Variants in FEZ1 observed in about 807,000 individuals in gnomAD.
FEZ1 encodes the protein fasciculation and elongation protein zeta-1.
Under a neutral mutation model 49.3 loss-of-function variants are expected in FEZ1, and 20 were observed. The observed-to-expected ratio is 0.41, with a 90% CI of 0.29 to 0.59. FEZ1 has a LOEUF of 0.59. FEZ1 is among the 20% of genes least tolerant of loss of function. FEZ1 has a pLI of 0.36. For synonymous variants in FEZ1, 170 were observed against 180.9 expected (o/e 0.94, Z 0.48); for missense variants, 413 against 476.0 (o/e 0.87, Z 1.23).
intron 8 of FEZ1, among the ~76,000 whole-genome samples, chr11:125,450,265 G>A (rs1466408426): frequency 1.3e-5 from 2 of 151,922 alleles, no homozygotes; most frequent in East Asian, 3.9e-4. Context: ...CCTGACCTCA[G>A]GTGATCCACC....
In FEZ1 at chr11:125,493,508, G is replaced by GAGAAAGAAAGAAAGAA. The variant is rs1309003744; in HGVS notation, c.-46+2597_-46+2612dup. 2.1e-4 allele frequency among the ~76,000 whole-genome samples: 14 copies of GAGAAAGAAAGAAAGAA among 66,058 alleles called. 2 individuals carry two copies. The highest frequency in any genetic ancestry group is 3.6e-4 in the Admixed American group (2 of 5,536). 43.3% of individuals were successfully genotyped at this position (66,058 alleles called of 152,430 possible). On this transcript the variant is annotated intron_variant, in intron 1 of 9. Transcript: ENST00000278919. ...AAAGAAGGAAAGAAAGAAAGAAAGAGAGAAAGAAAGAAAGAAAGAAAGAAA... is the reference window on the plus strand; with the variant it reads ...AAAGAAGGAAAGAAAGAAAGAAAGAGAGAAAGAAAGAAAGAAAGAAAGAAAGAAAGAAAGAAAGAAA...
chr11:125,495,477 G>T lies in FEZ1; in HGVS notation c.-46+644C>A, dbSNP rs1307856569. 3 of 467,400 alleles carry T rather than the reference G, an allele frequency of 6.4e-6. No individual in the cohort carries two copies. The East Asian group carries it at 2.1e-4, about 33-fold the overall frequency. The allele number at this position is 467,400 out of a possible 1,614,324, so 29.0% of individuals were successfully genotyped here. A position where few individuals can be genotyped will look rare whatever the true frequency, so the allele number is the denominator to read the frequency against. ...CGCCCCGCCACCGCGCAGCCGCCCC[G>T]GTCCCTTCTCCCGCCCGTCTGTAGT... On this transcript the variant is annotated intron_variant, in intron 1 of 9. Transcript: ENST00000278919. This position sits in a 1 kb window ranked among gnomAD's most constrained non-coding sequence, Gnocchi z 4.2.
Position 125,445,844 on chromosome 11 carries a change from C to A in FEZ1, c.*251G>T, listed in dbSNP as rs575176579. The A allele has an allele frequency of 8.5e-5, 46 of 538,176 alleles. No individual in the cohort carries two copies. Among genetic ancestry groups the A allele is most frequent in the South Asian group, 8.4e-4 (45 of 53,612 alleles). The allele number at this position is 538,176 out of a possible 1,614,324, so 33.3% of individuals were successfully genotyped here. Reference sequence around the variant, plus strand: ...CAGACTACATAATGAGCGGTGAAAGCGGCTGCCTTCCCCTCTCCTGACACC... The same window carrying A: ...CAGACTACATAATGAGCGGTGAAAGAGGCTGCCTTCCCCTCTCCTGACACC... On this transcript the variant is annotated 3_prime_UTR_variant, in exon 10 of 10. Transcript: ENST00000278919. This position sits in a 1 kb window ranked among gnomAD's most constrained non-coding sequence, Gnocchi z 4.4.
intron 3 of FEZ1, among the ~76,000 whole-genome samples, chr11:125,475,371 T>G (rs540600395): frequency 1.3e-4 from 20 of 151,786 alleles, no homozygotes; most frequent in African/African-American, 3.9e-4. Flanking sequence ...AAAAGCAAAT[T>G]AGAACTGAAA....
At chr11:125,447,441 C>G (rs1215803133) in intron 9 of FEZ1, among the ~76,000 whole-genome samples, 1 of 152,206 alleles carries the variant, frequency 6.6e-6, no homozygotes. Flanking sequence ...TTGCAACCTA[C>G]TGATCTTTAT....
chr11:125,485,738 C>T (rs1188615684), intron 2 of FEZ1, among the ~76,000 whole-genome samples: 2 of 150,560 alleles, frequency 1.3e-5, no homozygotes, highest in East Asian at 1.9e-4. Flanking sequence ...GAGTTCGAGA[C>T]CAGCTTGGAC....
intron 4 of FEZ1, among the ~76,000 whole-genome samples, chr11:125,462,736 T>C (rs1034018982): frequency 6.6e-6 from 1 of 152,196 alleles, no homozygotes; most frequent in Non-Finnish European, 1.5e-5. Context: ...CCGTGGCTCA[T>C]GCCTGTAATC....
At chr11:125,492,830 C>T (rs1307958962) in intron 1 of FEZ1, among the ~76,000 whole-genome samples, 2 of 152,084 alleles carry the variant, frequency 1.3e-5, no homozygotes, top group Non-Finnish European at 2.9e-5. Flanking sequence ...AAGCTGGGCA[C>T]GGTGGCTCAC....
In FEZ1 at chr11:125,474,050, A is replaced by T. The variant is rs187955721; in HGVS notation, c.411+7484T>A. 1.3e-4 allele frequency among the ~76,000 whole-genome samples: 20 copies of T among 151,220 alleles called. No homozygotes were observed. In the East Asian group the frequency reaches 3.1e-3, roughly 24 times the overall value. ...CCTTTTCTTTTTTTTTTTGAGATGG[A>T]GTCTCACTCTGTTGCCCAGACTGGA... On this transcript the variant is annotated intron_variant, in intron 3 of 9. Transcript: ENST00000278919.
At position 125,495,825 on chromosome 11, in the gene FEZ1, CA is replaced by C. The variant is rs1957462764; in HGVS notation, c.-46+295del. ...ACACACACACACACACACACACACA[CA>C]CACACACACCAGGCCTGGCTGGAGG... On this transcript the variant is annotated intron_variant, in intron 1 of 9. Coordinates refer to ENST00000278919, the MANE Select transcript of FEZ1 (RefSeq NM_005103.5). The surrounding 1 kb of genome is among the most constrained non-coding windows in gnomAD (Gnocchi z 4.2). 3.0e-5 allele frequency: 9 copies of C among 299,368 alleles called. No individual in the cohort carries two copies. The highest frequency in any genetic ancestry group is 5.9e-5 in the Non-Finnish European group (9 of 152,434). 18.5% of individuals were successfully genotyped at this position (299,368 alleles called of 1,614,324 possible). A position where few individuals can be genotyped will look rare whatever the true frequency, so the allele number is the denominator to read the frequency against.
At position 125,495,799 on chromosome 11, in the gene FEZ1, G is replaced by GACACACACAC. The variant is rs10524234; in HGVS notation, c.-46+312_-46+321dup. On this transcript the variant is annotated intron_variant, in intron 1 of 9. Coordinates refer to ENST00000278919, the MANE Select transcript of FEZ1 (RefSeq NM_005103.5). This position sits in a 1 kb window ranked among gnomAD's most constrained non-coding sequence, Gnocchi z 4.2. ...GCACACACGCGGGCACACACACGCG[G>GACACACACAC]ACACACACACACACACACACACACA... 1.0e-3 allele frequency: 314 copies of GACACACACAC among 310,008 alleles called. 2 individuals carry two copies. Among genetic ancestry groups the GACACACACAC allele is most frequent in the African/African-American group, 6.3e-3 (274 of 43,186 alleles). 19.2% of individuals were successfully genotyped at this position (310,008 alleles called of 1,614,324 possible). A position where few individuals can be genotyped will look rare whatever the true frequency, so the allele number is the denominator to read the frequency against.
rs553133513 is a variant in FEZ1, at chr11:125,444,874, T to C, written c.*1221A>G. Among the ~76,000 whole-genome samples the C allele has an allele frequency of 6.6e-6, 1 of 152,344 alleles. No individual in the cohort carries two copies. The highest frequency in any genetic ancestry group is 2.4e-5 in the African/African-American group (1 of 41,584). ...CTCCTCTGCAAAATCGGGATCATACTAGCACCTGTTTACACGTGGTGATGC... is the reference window on the plus strand; with the variant it reads ...CTCCTCTGCAAAATCGGGATCATACCAGCACCTGTTTACACGTGGTGATGC... On this transcript the variant is annotated 3_prime_UTR_variant, in exon 10 of 10. Coordinates refer to ENST00000278919, the MANE Select transcript of FEZ1 (RefSeq NM_005103.5).
At chr11:125,474,901 A>G (rs574131604) in intron 3 of FEZ1, among the ~76,000 whole-genome samples, 2 of 151,930 alleles carry the variant, frequency 1.3e-5, no homozygotes, top group Admixed American at 6.6e-5. Flanking sequence ...GAAAAAAAGA[A>G]ACTCTTACAA....
chr11:125,459,727 T>C, intron 5 of FEZ1, among the ~76,000 whole-genome samples: 1 of 152,366 alleles, frequency 6.6e-6, no homozygotes, highest in East Asian at 1.9e-4. Context: ...GGACAAGTCA[T>C]GTAACCTCTG....
rs576606342 is a variant in FEZ1 at position 125,455,077 on chromosome 11, A to G, written c.939+758T>C. Among the ~76,000 whole-genome samples the G allele has an allele frequency of 1.8e-4, 28 of 151,726 alleles. 2 individuals are homozygous for G. The South Asian group carries it at 5.9e-3, about 32-fold the overall frequency. On this transcript the variant is annotated intron_variant, in intron 6 of 9. Transcript: ENST00000278919. ...GAACCAGGGGTTTGGGTTAAACCCA[A>G]AAATAGAACAATAGAACAATAAGGC...
chr11:125,460,607 C>G lies in FEZ1; in HGVS notation c.558G>C (p.Glu186Asp). 6.2e-7 allele frequency: 1 copy of G among 1,614,126 alleles called. No homozygotes were observed. The highest frequency in any genetic ancestry group is 8.5e-7 in the Non-Finnish European group (1 of 1,179,980). Residue 186 changes from glutamate (E) to aspartate (D), a missense_variant, in exon 5 of 10, where the codon GAG becomes GAC. By Grantham distance (45) the Glu-to-Asp change is conservative. Transcript: ENST00000278919. ...QNSPDPEEEE[E>D]VLEEEDGGET... ...CTCCTCCATCCTCTTCTTCCAGAACCTCCTCTTCTTCCTCAGGGTCTGGGG... is the reference window on the plus strand; with the variant it reads ...CTCCTCCATCCTCTTCTTCCAGAACGTCCTCTTCTTCCTCAGGGTCTGGGG...
At chr11:125,461,434 C>T (rs1957073249) in intron 4 of FEZ1, among the ~76,000 whole-genome samples, 3 of 152,092 alleles carry the variant, frequency 2.0e-5, no homozygotes, top group Non-Finnish European at 2.9e-5. Flanking sequence ...TGGCGAAACC[C>T]CATCTCTGCA....
In FEZ1 at chr11:125,445,819, C is replaced by T. The variant is rs1765539645; in HGVS notation, c.*276G>A. The T allele has an allele frequency of 2.0e-6, 1 of 491,772 alleles. No homozygotes were observed. The highest frequency in any genetic ancestry group is 3.1e-5 in the Admixed American group (1 of 32,488). 30.5% of individuals were successfully genotyped at this position (491,772 alleles called of 1,614,324 possible). ...ATAAGCTGTTTTTGAGGGCTGTAGCCAGACTACATAATGAGCGGTGAAAGC... is the reference window on the plus strand; with the variant it reads ...ATAAGCTGTTTTTGAGGGCTGTAGCTAGACTACATAATGAGCGGTGAAAGC... On this transcript the variant is annotated 3_prime_UTR_variant, in exon 10 of 10. Transcript: ENST00000278919. The surrounding 1 kb of genome is among the most constrained non-coding windows in gnomAD (Gnocchi z 4.4).
intron 3 of FEZ1, among the ~76,000 whole-genome samples, chr11:125,481,046 G>GA (rs201026269): frequency 0.016 from 1,834 of 118,054 alleles, 30 homozygotes; most frequent in African/African-American, 0.038. Flanking sequence ...CTCAAAAAAA[G>GA]AAAAAAAAAA....
Sources: allele counts gnomAD v4.1 joint callset (sites outside exome capture counted in the v4.1 genomes callset), GRCh38; gene constraint gnomAD v4.1.1; non-coding constraint Gnocchi (gnomAD v3.1); transcripts MANE v1.5; gene names NCBI Gene and HGNC (gene_info 2026-07-23, HGNC 2026-07-21).